Variants in MTHFD2L observed in about 807,000 individuals in gnomAD.
MTHFD2L encodes bifunctional methylenetetrahydrofolate dehydrogenase/cyclohydrolase 2, mitochondrial.
MTHFD2L carries 29 observed loss-of-function variants against 34.9 expected under a neutral mutation model. That is an observed-to-expected ratio of 0.83 (90% CI 0.62 to 1.13). MTHFD2L has a LOEUF of 1.13. MTHFD2L is among the 50% of genes most tolerant of loss of function. MTHFD2L has a pLI of 0.00. For synonymous variants in MTHFD2L, 167 were observed against 155.7 expected (o/e 1.07, Z -0.54); for missense variants, 481 against 446.5 (o/e 1.08, Z -0.70).
At chr4:74,214,404 TCCTG>T (rs1394240280) in intron 5 of MTHFD2L, among the ~76,000 whole-genome samples, 1 of 151,778 alleles carries the variant, frequency 6.6e-6, no homozygotes, top group Non-Finnish European at 1.5e-5. Context: ...TGTGTGGACG[TCCTG>T]TTTGTTGGTG....
chr4:74,154,505 G>C (rs1250029222), upstream of MTHFD2L, among the ~76,000 whole-genome samples: 1 of 151,816 alleles, frequency 6.6e-6, no homozygotes, highest in Admixed American at 6.6e-5. Flanking sequence ...TGGGCTCATG[G>C]ATATTAATTT....
intron 6 of MTHFD2L, among the ~76,000 whole-genome samples, chr4:74,254,974 A>G (rs1271117048): frequency 1.3e-5 from 2 of 151,932 alleles, no homozygotes; most frequent in Non-Finnish European, 2.9e-5. Flanking sequence ...ATCTCTACTA[A>G]GAATACAAAA....
rs542891575 is a variant in MTHFD2L at position 74,129,762 on chromosome 4, G to T, written c.-297+4245G>T. Among the ~76,000 whole-genome samples the T allele has an allele frequency of 2.0e-5, 3 of 150,834 alleles. No individual in the cohort carries two copies. The East Asian group carries it at 5.8e-4, about 29-fold the overall frequency. ...ATAGAACTGAAGGAGACAGAGACAC[G>T]AAAAACCCTTCAAAAAAATGAATGA... On this transcript the variant is annotated intron_variant, in intron 1 of 7. Transcript: ENST00000433372.
chr4:74,125,534 CA>C (rs1722005896), intron 1 of MTHFD2L: 1 of 152,130 alleles, frequency 6.6e-6, no homozygotes. Context: ...TAGTTTTTCC[CA>C]CTTTCTCAAA....
chr4:74,206,264 G>A (rs1425262150), intron 5 of MTHFD2L, among the ~76,000 whole-genome samples: 1 of 152,162 alleles, frequency 6.6e-6, no homozygotes, highest in Non-Finnish European at 1.5e-5. Flanking sequence ...AGAATTGGGT[G>A]GAGTAAATGT....
intron 5 of MTHFD2L, among the ~76,000 whole-genome samples, chr4:74,219,383 G>A (rs1737757000): frequency 6.6e-6 from 1 of 152,104 alleles, no homozygotes; most frequent in African/African-American, 2.4e-5. Context: ...GGATACAACT[G>A]TGAGTGTGGG....
At chr4:74,219,095 G>A (rs928805139) in intron 5 of MTHFD2L, among the ~76,000 whole-genome samples, 1 of 151,984 alleles carries the variant, frequency 6.6e-6, no homozygotes, top group African/African-American at 2.4e-5. Context: ...GTGTGTAGGA[G>A]TATATGCATA....
In MTHFD2L at chr4:74,301,829, C is replaced by G; in HGVS notation, c.*20C>G. 1 of 1,449,064 alleles carries G rather than the reference C, an allele frequency of 6.9e-7. No individual in the cohort carries two copies. Among genetic ancestry groups the G allele is most frequent in the South Asian group, 1.2e-5 (1 of 82,136 alleles). 89.8% of individuals were successfully genotyped at this position (1,449,064 alleles called of 1,614,324 possible). A position where few individuals can be genotyped will look rare whatever the true frequency, so the allele number is the denominator to read the frequency against. On this transcript the variant is annotated 3_prime_UTR_variant, in exon 8 of 8. Coordinates refer to ENST00000325278, the MANE Select transcript of MTHFD2L (RefSeq NM_001144978.3). ...TACTAGATCACATGAAAGGATAAAG[C>G]AAACTGAAGTCATGCTATTTGTTTA...
chr4:74,174,172 T>C (rs1159669590), intron 1 of MTHFD2L, among the ~76,000 whole-genome samples: 2 of 152,150 alleles, frequency 1.3e-5, no homozygotes, highest in Non-Finnish European at 2.9e-5. Flanking sequence ...TTATGAGGGC[T>C]CTATCCTCAT....
At chr4:74,215,088 T>A (rs1736972357) in intron 5 of MTHFD2L, among the ~76,000 whole-genome samples, 1 of 151,826 alleles carries the variant, frequency 6.6e-6, no homozygotes, top group South Asian at 2.1e-4. Flanking sequence ...GACTTCAGAC[T>A]GCTATGCTGG....
At chr4:74,285,714 C>G (rs981244643) in intron 7 of MTHFD2L, among the ~76,000 whole-genome samples, 50 of 152,246 alleles carry the variant, frequency 3.3e-4, no homozygotes, top group Admixed American at 3.3e-3. Context: ...CTCCCATTGA[C>G]TACTAAAATT....
intron 1 of MTHFD2L, among the ~76,000 whole-genome samples, chr4:74,170,532 C>A (rs1045578813): frequency 6.6e-6 from 1 of 151,920 alleles, no homozygotes; most frequent in Non-Finnish European, 1.5e-5. Flanking sequence ...TTGAATTAGG[C>A]AAAGATTTCT....
chr4:74,297,599 A>G (rs904654252), intron 7 of MTHFD2L, among the ~76,000 whole-genome samples: 3 of 152,060 alleles, frequency 2.0e-5, no homozygotes, highest in African/African-American at 7.2e-5. Context: ...ACATAATAGG[A>G]TTAATATTTA....
chr4:74,157,805 T>G (rs531889079), upstream of MTHFD2L: 15 of 521,790 alleles, frequency 2.9e-5, no homozygotes, highest in South Asian at 2.3e-4. Context: ...AGTGATAGTT[T>G]GGAGGCCTTC....
At chr4:74,152,926 G>A (rs1724029883) in intron 1 of MTHFD2L, among the ~76,000 whole-genome samples, 1 of 152,200 alleles carries the variant, frequency 6.6e-6, no homozygotes, top group African/African-American at 2.4e-5. Context: ...TAGGGAACTT[G>A]CCTCTTCTAG....
chr4:74,240,315 C>T (rs1337703525), intron 6 of MTHFD2L, among the ~76,000 whole-genome samples: 1 of 152,114 alleles, frequency 6.6e-6, no homozygotes, highest in Non-Finnish European at 1.5e-5. Flanking sequence ...TGTTAACTAA[C>T]ATTATCTCGG....
chr4:74,205,994 AGAAT>A (rs1362698362), intron 5 of MTHFD2L, among the ~76,000 whole-genome samples: 1 of 152,198 alleles, frequency 6.6e-6, no homozygotes. Flanking sequence ...ACTAATTATT[AGAAT>A]GTTTGAGTAC....
chr4:74,192,785 ATAT>A (rs1230093970), intron 3 of MTHFD2L, among the ~76,000 whole-genome samples: 4 of 151,988 alleles, frequency 2.6e-5, no homozygotes, highest in African/African-American at 9.7e-5. Flanking sequence ...TTTATTAAAA[ATAT>A]TATTTATCTT....
chr4:74,169,490 C>A (rs757499602), intron 1 of MTHFD2L, among the ~76,000 whole-genome samples: 1 of 152,182 alleles, frequency 6.6e-6, no homozygotes, highest in Non-Finnish European at 1.5e-5. Context: ...CTATAAAATG[C>A]AAGACAGAGT....
Sources: allele counts gnomAD v4.1 joint callset (sites outside exome capture counted in the v4.1 genomes callset), GRCh38; gene constraint gnomAD v4.1.1; transcripts MANE v1.5; gene names NCBI Gene and HGNC (gene_info 2026-07-23, HGNC 2026-07-21).